Variants in HNRNPM observed in about 807,000 individuals in gnomAD.
HNRNPM encodes CEA receptor.
In HNRNPM, 11 loss-of-function variants were observed where a neutral mutation model predicts 73.1. The observed-to-expected ratio is 0.15, with a 90% confidence interval of 0.09 to 0.25. The LOEUF is 0.25. Among genes scored for constraint, HNRNPM ranks in the 10% least tolerant of loss-of-function variants. The probability of loss-of-function intolerance (pLI) is 1.00; values close to 1 mark genes in which losing one functional copy is unlikely to be tolerated. For missense variants in HNRNPM, 789 were observed against 1,067.9 expected (o/e 0.74, Z 3.64); for synonymous variants, 407 against 355.2 (o/e 1.15, Z -1.64).
intron 12 of HNRNPM, among the ~76,000 whole-genome samples, chr19:8,476,249 C>T (rs143866359): frequency 6.6e-6 from 1 of 152,160 alleles, no homozygotes; most frequent in Non-Finnish European, 1.5e-5. Flanking sequence ...GACTCCTTCC[C>T]ACTTGACCAG....
chr19:8,454,682 C>T (rs895630742), intron 1 of HNRNPM, among the ~76,000 whole-genome samples: 1 of 124,944 alleles, frequency 8.0e-6, no homozygotes, highest in African/African-American at 2.8e-5. Flanking sequence ...TGCCCCCCCC[C>T]CCTTTTTTTT....
rs1023640959 is a variant in HNRNPM, at chr19:8,489,080, A to G, written c.*226A>G. The G allele has an allele frequency of 3.9e-5, 18 of 462,688 alleles. No homozygotes were observed. Among genetic ancestry groups the G allele is most frequent in the South Asian group, 1.0e-4 (4 of 38,702 alleles). 28.7% of individuals were successfully genotyped at this position (462,688 alleles called of 1,614,324 possible). ...AGTTGTGGCATCTTGTTGACATCGA[A>G]TATGACTTTGATAATAAATACCGGT... On this transcript the variant is annotated 3_prime_UTR_variant, in exon 16 of 16. Coordinates refer to ENST00000325495, the MANE Select transcript of HNRNPM (RefSeq NM_005968.5).
intron 2 of HNRNPM, among the ~76,000 whole-genome samples, chr19:8,460,403 G>T (rs959462316): frequency 3.9e-5 from 6 of 152,180 alleles, no homozygotes; most frequent in African/African-American, 1.4e-4. Context: ...CATTACTGAT[G>T]ATCTCAGGGA....
chr19:8,451,504 A>G (rs1599748271), intron 1 of HNRNPM, among the ~76,000 whole-genome samples: 1 of 150,856 alleles, frequency 6.6e-6, no homozygotes. Flanking sequence ...ATACTATCAC[A>G]TCATCTAAAC....
chr19:8,480,900 T>G (rs1599842702), intron 12 of HNRNPM, among the ~76,000 whole-genome samples: 1 of 152,144 alleles, frequency 6.6e-6, no homozygotes, highest in East Asian at 1.9e-4. Flanking sequence ...CGGTTACACC[T>G]TCTTTCTGAT....
intron 1 of HNRNPM, among the ~76,000 whole-genome samples, chr19:8,450,481 A>C (rs533439802): frequency 5.1e-4 from 78 of 151,472 alleles, no homozygotes; most frequent in Non-Finnish European, 9.3e-4. Context: ...TACGATCTCT[A>C]CTCACTGCAA....
intron 2 of HNRNPM, among the ~76,000 whole-genome samples, chr19:8,461,690 A>G (rs1368307702): frequency 6.6e-6 from 1 of 152,160 alleles, no homozygotes; most frequent in Non-Finnish European, 1.5e-5. Flanking sequence ...TTAACTGTTT[A>G]GATACAAAAT....
At chr19:8,453,499 A>T (rs1044343729) in intron 1 of HNRNPM, among the ~76,000 whole-genome samples, 2 of 152,190 alleles carry the variant, frequency 1.3e-5, no homozygotes, top group Admixed American at 6.5e-5. Context: ...TGTTTCTTCC[A>T]CGGAAGAAAG....
At chr19:8,447,762 C>CAA (rs1428594572) in intron 1 of HNRNPM, among the ~76,000 whole-genome samples, 1 of 152,186 alleles carries the variant, frequency 6.6e-6, no homozygotes, top group Non-Finnish European at 1.5e-5. Context: ...CCCGGCGGCT[C>CAA]ACGCCTGTAA....
chr19:8,450,066 C>G (rs1555697427), intron 1 of HNRNPM, among the ~76,000 whole-genome samples: 1 of 152,188 alleles, frequency 6.6e-6, no homozygotes, highest in Admixed American at 6.6e-5. Context: ...GAGCTTGAGT[C>G]ATGTGGGTAG....
At chr19:8,480,621 C>T (rs1970845346) in intron 12 of HNRNPM, among the ~76,000 whole-genome samples, 1 of 151,460 alleles carries the variant, frequency 6.6e-6, no homozygotes, top group Non-Finnish European at 1.5e-5. Context: ...CGAGATGACA[C>T]CACTGCACTC....
chr19:8,472,237 G>A (rs1970201208), intron 10 of HNRNPM, among the ~76,000 whole-genome samples: 1 of 150,426 alleles, frequency 6.6e-6, no homozygotes, highest in African/African-American at 2.4e-5. Context: ...AGGCTTTGCT[G>A]TTTAGCATTT....
At chr19:8,450,432 A>G (rs190701792) in intron 1 of HNRNPM, among the ~76,000 whole-genome samples, 2 of 152,074 alleles carry the variant, frequency 1.3e-5, no homozygotes, top group Non-Finnish European at 2.9e-5. Flanking sequence ...GTTTTTTGAG[A>G]TGGAGTTTCA....
intron 1 of HNRNPM, among the ~76,000 whole-genome samples, chr19:8,454,004 G>A (rs1305353391): frequency 6.6e-6 from 1 of 152,122 alleles, no homozygotes; most frequent in Non-Finnish European, 1.5e-5. Context: ...CACCTCCCAG[G>A]GTTGCTCAGA....
chr19:8,473,897 A>G (rs988614527), intron 11 of HNRNPM, among the ~76,000 whole-genome samples, 189 bp downstream of exon 11: 4 of 152,004 alleles, frequency 2.6e-5, no homozygotes, highest in Middle Eastern at 3.4e-3. Context: ...CTGTCTCACT[A>G]ACTAGCTCTG....
In HNRNPM at chr19:8,486,435, G is replaced by A. The variant is rs747250464; in HGVS notation, c.1977+30G>A. On this transcript the variant is annotated intron_variant, in intron 14 of 15. Transcript: ENST00000325495. ...GTGGCTCTTGGGGAACTTCTTGGTG[G>A]TGGTGAGCATGAGGGGACAGGGGAG... The A allele has an allele frequency of 2.0e-6, 3 of 1,529,674 alleles. No individual in the cohort carries two copies. In the African/African-American group the frequency reaches 4.1e-5, roughly 21 times the overall value. 94.8% of individuals were successfully genotyped at this position (1,529,674 alleles called of 1,614,324 possible).
Position 8,465,534 on chromosome 19 carries a change from C to A in HNRNPM, c.630+19C>A. 2 of 1,512,654 alleles carry A rather than the reference C, an allele frequency of 1.3e-6. No homozygotes were observed. Among genetic ancestry groups the A allele is most frequent in the Non-Finnish European group, 1.8e-6 (2 of 1,110,092 alleles). 93.7% of individuals were successfully genotyped at this position (1,512,654 alleles called of 1,614,324 possible). A position where few individuals can be genotyped will look rare whatever the true frequency, so the allele number is the denominator to read the frequency against. ...AGCAAATGTAAGTAAACAGAACCATCGTCTAAAGTAGAAAATCAGAACTTT... is the reference window on the plus strand; with the variant it reads ...AGCAAATGTAAGTAAACAGAACCATAGTCTAAAGTAGAAAATCAGAACTTT... On this transcript the variant is annotated intron_variant, in intron 6 of 15. Transcript: ENST00000325495.
At chr19:8,457,901 C>T (rs1327684119) in intron 2 of HNRNPM, among the ~76,000 whole-genome samples, 1 of 152,176 alleles carries the variant, frequency 6.6e-6, no homozygotes, top group Non-Finnish European at 1.5e-5. Context: ...GTATTAGTCT[C>T]AATTCCAAAA....
At chr19:8,471,654 A>C (rs903250524) in intron 10 of HNRNPM, among the ~76,000 whole-genome samples, 3 of 152,200 alleles carry the variant, frequency 2.0e-5, no homozygotes, top group African/African-American at 7.2e-5. Flanking sequence ...ACCTGACAAC[A>C]ACCTTCTAAG....
Sources: gnomAD v4.1 joint callset for allele counts (sites outside exome capture counted in the v4.1 genomes callset) on GRCh38, gnomAD v4.1.1 for gene constraint, MANE v1.5 for transcripts, NCBI Gene and HGNC (gene_info 2026-07-23, HGNC 2026-07-21) for gene names.